Variants in OXTR observed in about 807,000 individuals in gnomAD.
OXTR encodes the protein oxytocin receptor.
In OXTR, 19 loss-of-function variants were observed where a neutral mutation model predicts 23.9. The observed-to-expected ratio is 0.80, with a 90% CI of 0.56 to 1.17. OXTR has a LOEUF of 1.17. Among genes scored for constraint, OXTR ranks in the 50% most tolerant of loss-of-function variants. The pLI is 0.00. For synonymous variants in OXTR, 278 were observed against 250.5 expected (o/e 1.11, Z -1.04); for missense variants, 500 against 550.7 (o/e 0.91, Z 0.92).
chr3:8,766,156 G>A (rs537659208), intron 3 of OXTR, among the ~76,000 whole-genome samples: 1 of 152,276 alleles, frequency 6.6e-6, no homozygotes, highest in South Asian at 2.1e-4. Context: ...CGCGTTATGG[G>A]ATTGCCTTCA....
rs750446151 is a variant in OXTR at position 8,768,074 on chromosome 3, C to CA, written c.113dup (p.Ala39GlyfsTer144). The CA allele has an allele frequency of 6.6e-7, 1 of 1,522,806 alleles. No homozygotes were observed. Among genetic ancestry groups the CA allele is most frequent in the Non-Finnish European group, 8.8e-7 (1 of 1,137,510 alleles). The allele number at this position is 1,522,806 out of a possible 1,614,324, so 94.3% of individuals were successfully genotyped here. ...ACAGCACCGCCACCTCCACGCGCGC[C>CA]AGGGCCTCGTTGCGCCGCGGGGGTC... On this transcript the variant is annotated frameshift_variant, in exon 3 of 4. Transcript: ENST00000316793. LOFTEE classifies it high-confidence loss of function. The surrounding 1 kb of genome is among the most constrained non-coding windows in gnomAD (Gnocchi z 5.4).
chr3:8,745,807 C>G, downstream of OXTR: 1 of 1,613,932 alleles, frequency 6.2e-7, no homozygotes, highest in African/African-American at 1.3e-5. This position sits in a 1 kb window ranked among gnomAD's most constrained non-coding sequence, Gnocchi z 4.8. Context: ...GCAACCCACT[C>G]TTCGCGGCCC....
Position 8,768,660 on chromosome 3 carries a change from T to G in OXTR, c.-238-69A>C. 1 of 153,732 alleles carries G rather than the reference T, an allele frequency of 6.5e-6. No homozygotes were observed. The highest frequency in any genetic ancestry group is 1.4e-5 in the Non-Finnish European group (1 of 69,286). 9.5% of individuals were successfully genotyped at this position (153,732 alleles called of 1,614,324 possible). A position where few individuals can be genotyped will look rare whatever the true frequency, so the allele number is the denominator to read the frequency against. On this transcript the variant is annotated intron_variant, in intron 1 of 3. Transcript: ENST00000316793. The surrounding 1 kb of genome is among the most constrained non-coding windows in gnomAD (Gnocchi z 5.4). ...AGTGGGAATCTAAAACCAAATCACC[T>G]CCCCGAGGGAATCTCCAAACTACCT...
At chr3:8,749,942 G>A (rs1249010421), downstream of OXTR, among the ~76,000 whole-genome samples, 3 of 152,170 alleles carry the variant, frequency 2.0e-5, no homozygotes, top group Non-Finnish European at 2.9e-5. Flanking sequence ...CTGTATCTCA[G>A]TAAGTACAAA....
At chr3:8,745,474 T>G, downstream of OXTR, 1 of 1,445,180 alleles carries the variant, frequency 6.9e-7, no homozygotes, top group Non-Finnish European at 9.7e-7. This position sits in a 1 kb window ranked among gnomAD's most constrained non-coding sequence, Gnocchi z 4.8. Context: ...CCCAAAAGCT[T>G]GAGAAGCGGG....
rs531560146 is a variant in OXTR, at chr3:8,764,812, G to A, written c.922+2454C>T. On this transcript the variant is annotated intron_variant, in intron 3 of 3. Transcript: ENST00000316793. ...GTGCTTGGGGCAGCGGGGAGGTCCCGGCTGCAGCAGCATCATGAATCCCTG... is the reference window on the plus strand; with the variant it reads ...GTGCTTGGGGCAGCGGGGAGGTCCCAGCTGCAGCAGCATCATGAATCCCTG... Among the ~76,000 whole-genome samples, 11 of 152,270 alleles carry A rather than the reference G, an allele frequency of 7.2e-5. No homozygotes were observed. In the South Asian group the frequency reaches 1.7e-3, roughly 23 times the overall value.
the OXTR span, chr3:8,744,824 C>T: frequency 6.6e-6 from 1 of 152,486 alleles, no homozygotes; most frequent in Non-Finnish European, 1.5e-5. Context: ...CACTAAGTCA[C>T]TGTTGGCTTT....
intron 3 of OXTR, among the ~76,000 whole-genome samples, chr3:8,753,551 A>G (rs1054661087): frequency 2.0e-5 from 3 of 152,326 alleles, no homozygotes; most frequent in Admixed American, 1.3e-4. Context: ...CTTTTCATGC[A>G]TCACTCACCC....
chr3:8,762,303 G>A (rs910580046), intron 3 of OXTR, among the ~76,000 whole-genome samples: 2 of 152,176 alleles, frequency 1.3e-5, no homozygotes, highest in African/African-American at 4.8e-5. Flanking sequence ...GTTAGCTTTT[G>A]AGTTTTTTGA....
chr3:8,741,466 C>T, the OXTR span, among the ~76,000 whole-genome samples: 1 of 152,154 alleles, frequency 6.6e-6, no homozygotes, highest in Non-Finnish European at 1.5e-5. Context: ...CTAAGCCTCT[C>T]ACTTGGGTTT....
intron 3 of OXTR, among the ~76,000 whole-genome samples, chr3:8,757,875 C>T (rs901691633): frequency 3.9e-5 from 6 of 152,088 alleles, no homozygotes; most frequent in South Asian, 2.1e-4. Context: ...TGAGTAGGTG[C>T]GAGGATCTAA....
rs1708292139 is a variant in OXTR at position 8,752,869 on chromosome 3, C to T, written c.*108G>A. The T allele has an allele frequency of 1.6e-6, 2 of 1,256,470 alleles. No individual in the cohort carries two copies. The highest frequency in any genetic ancestry group is 2.8e-5 in the Admixed American group (1 of 36,274). 77.8% of individuals were successfully genotyped at this position (1,256,470 alleles called of 1,614,324 possible). A position where few individuals can be genotyped will look rare whatever the true frequency, so the allele number is the denominator to read the frequency against. ...AGCCACCCCAAGGAGGGGAGGGATA[C>T]AAACTGATAGGTACCTTATACACAA... On this transcript the variant is annotated 3_prime_UTR_variant, in exon 4 of 4. Coordinates refer to ENST00000316793, the MANE Select transcript of OXTR (RefSeq NM_000916.4).
At chr3:8,748,325 T>C (rs1708201684), downstream of OXTR, among the ~76,000 whole-genome samples, 1 of 152,190 alleles carries the variant, frequency 6.6e-6, no homozygotes, top group South Asian at 2.1e-4. Context: ...TCCACTGTGG[T>C]TCAGAGCAGA....
chr3:8,761,392 G>C (rs1220529568), intron 3 of OXTR, among the ~76,000 whole-genome samples: 2 of 152,296 alleles, frequency 1.3e-5, no homozygotes, highest in East Asian at 1.9e-4. Context: ...GCCAGATAGT[G>C]GGGGAGGGTT....
downstream of OXTR, chr3:8,746,106 A>G: frequency 2.0e-6 from 1 of 502,894 alleles, no homozygotes; most frequent in Non-Finnish European, 3.6e-6. Context: ...GCGTGGGGGA[A>G]GATCATTTGC....
downstream of OXTR, among the ~76,000 whole-genome samples, chr3:8,748,065 T>A (rs909306239): frequency 6.6e-6 from 1 of 152,142 alleles, no homozygotes; most frequent in African/African-American, 2.4e-5. Flanking sequence ...ATGATGAGAA[T>A]GGGCCTGAGG....
chr3:8,767,357 A>C lies in OXTR; in HGVS notation c.831T>G (p.Thr277=). 6.2e-7 allele frequency: 1 copy of C among 1,612,360 alleles called. No individual in the cohort carries two copies. Among genetic ancestry groups the C allele is most frequent in the Non-Finnish European group, 8.5e-7 (1 of 1,179,322 alleles). Residue 277 remains threonine (T), a synonymous_variant, in exon 3 of 4, where the codon ACT becomes ACG. Coordinates refer to ENST00000316793, the MANE Select transcript of OXTR (RefSeq NM_000916.4). ...SKAKIRTVKM[T]FIIVLAFIVC... ...CGATGAAGGCCAGCACGATGATGAA[A>C]GTCATCTTGACCGTGCGGATCTTGG... is the stretch of plus-strand genomic sequence containing the variant.
chr3:8,756,325 C>A (rs1165588649), intron 3 of OXTR, among the ~76,000 whole-genome samples: 3 of 152,192 alleles, frequency 2.0e-5, no homozygotes, highest in Admixed American at 2.0e-4. Flanking sequence ...TAGCCTTATC[C>A]TCATTTTATA....
downstream of OXTR, among the ~76,000 whole-genome samples, chr3:8,746,955 A>C (rs1281497057): frequency 1.3e-5 from 2 of 151,994 alleles, no homozygotes; most frequent in African/African-American, 4.8e-5. Flanking sequence ...TCTCTCAGAG[A>C]TTTTCAATAG....
Sources: allele counts gnomAD v4.1 joint callset (sites outside exome capture counted in the v4.1 genomes callset), GRCh38; gene constraint gnomAD v4.1.1; non-coding constraint Gnocchi (gnomAD v3.1); transcripts MANE v1.5; gene names NCBI Gene and HGNC (gene_info 2026-07-23, HGNC 2026-07-21).